Variants in RBMS3 observed in about 807,000 individuals in gnomAD.
RBMS3 encodes the protein RNA binding motif single stranded interacting protein 3.
In RBMS3, 27 loss-of-function variants were observed where a neutral mutation model predicts 66.8. The observed-to-expected ratio is 0.40, with a 90% confidence interval of 0.30 to 0.56. The LOEUF (loss-of-function observed/expected upper bound fraction) is 0.56, where lower values mean the gene tolerates loss of function less well. Among genes scored for constraint, RBMS3 ranks in the 20% least tolerant of loss-of-function variants. RBMS3 has a pLI of 0.40. For synonymous variants in RBMS3, 188 were observed against 183.0 expected, an observed-to-expected ratio of 1.03 and a Z score of -0.22; for missense variants, 513 against 549.5, an observed-to-expected ratio of 0.93 and a Z score of 0.66.
chr3:29,853,685 G>A (rs1047817204), intron 6 of RBMS3, among the ~76,000 whole-genome samples: 9 of 152,084 alleles, frequency 5.9e-5, no homozygotes, highest in East Asian at 1.9e-4. Flanking sequence ...TACAAGCCCC[G>A]TGTTTAGAGG....
chr3:29,684,783 C>T (rs1179850235), intron 4 of RBMS3, among the ~76,000 whole-genome samples: 12 of 39,420 alleles, frequency 3.0e-4, no homozygotes, highest in Admixed American at 6.3e-4. Flanking sequence ...GTTATGTACA[C>T]ACACACACAC....
At chr3:29,308,758 A>AAAAAAAAAAAAAC (rs2034183382) in intron 1 of RBMS3, among the ~76,000 whole-genome samples, 3 of 89,050 alleles carry the variant, frequency 3.4e-5, no homozygotes, top group Non-Finnish European at 4.5e-5. Flanking sequence ...AAAAAAAACA[A>AAAAAAAAAAAAAC]AAAAAAAAAC....
At chr3:29,928,345 G>A (rs1263219970) in intron 10 of RBMS3, among the ~76,000 whole-genome samples, 1 of 94,178 alleles carries the variant, frequency 1.1e-5, no homozygotes, top group Non-Finnish European at 2.2e-5. Flanking sequence ...ATATTTGGTG[G>A]GTAGAGATCA....
At chr3:29,604,517 G>A (rs2048256730) in intron 4 of RBMS3, among the ~76,000 whole-genome samples, 2 of 151,860 alleles carry the variant, frequency 1.3e-5, no homozygotes, top group East Asian at 1.9e-4. Context: ...GTGGGCTCTC[G>A]GATTTTTATT....
intron 1 of RBMS3, among the ~76,000 whole-genome samples, chr3:29,353,937 C>A (rs2037069102): frequency 6.6e-6 from 1 of 152,064 alleles, no homozygotes; most frequent in South Asian, 2.1e-4. Context: ...TTGAACTCTA[C>A]AGCATTTGAA....
intron 3 of RBMS3, among the ~76,000 whole-genome samples, chr3:29,573,688 G>A (rs2047015932): frequency 6.6e-6 from 1 of 151,854 alleles, no homozygotes; most frequent in Non-Finnish European, 1.5e-5. Context: ...ATTTTTTGAT[G>A]TAGGCACTTA....
At chr3:29,808,048 A>T (rs552250969) in intron 6 of RBMS3, among the ~76,000 whole-genome samples, 3 of 152,040 alleles carry the variant, frequency 2.0e-5, no homozygotes, top group Admixed American at 1.3e-4. Flanking sequence ...TACTTCTCCA[A>T]CACCAGGTTT....
intron 4 of RBMS3, among the ~76,000 whole-genome samples, chr3:29,684,481 C>CTT (rs2051628491): frequency 6.6e-6 from 1 of 152,092 alleles, no homozygotes; most frequent in African/African-American, 2.4e-5. Flanking sequence ...TTAAAACCAA[C>CTT]TGTGGTGGTA....
At chr3:29,958,242 G>T (rs1186121194) in intron 12 of RBMS3, among the ~76,000 whole-genome samples, 2 of 152,036 alleles carry the variant, frequency 1.3e-5, no homozygotes, top group Non-Finnish European at 2.9e-5. Context: ...TTTTCTAAAT[G>T]ACATTGAAAA....
At chr3:29,651,480 G>A (rs1426653130) in intron 4 of RBMS3, among the ~76,000 whole-genome samples, 1 of 152,022 alleles carries the variant, frequency 6.6e-6, no homozygotes, top group African/African-American at 2.4e-5. Context: ...AAGCTGAAAG[G>A]TCACTTGTGG....
intron 1 of RBMS3, among the ~76,000 whole-genome samples, chr3:29,285,377 A>G (rs974129972): frequency 6.6e-6 from 1 of 152,032 alleles, no homozygotes; most frequent in African/African-American, 2.4e-5. Context: ...CGAGAAATAG[A>G]TATTTCTCTC....
chr3:29,646,030 C>T (rs1449273759), intron 4 of RBMS3, among the ~76,000 whole-genome samples: 1 of 152,224 alleles, frequency 6.6e-6, no homozygotes, highest in Non-Finnish European at 1.5e-5. Context: ...TGGTAACATA[C>T]AAGCCTGCTA....
intron 10 of RBMS3, among the ~76,000 whole-genome samples, chr3:29,910,178 G>A (rs982794533): frequency 5.9e-5 from 9 of 152,080 alleles, no homozygotes; most frequent in Admixed American, 3.9e-4. Context: ...AAAATATGCA[G>A]CTAAAATAAA....
At chr3:29,713,887 T>C (rs2053277204) in intron 4 of RBMS3, among the ~76,000 whole-genome samples, 1 of 152,032 alleles carries the variant, frequency 6.6e-6, no homozygotes, top group Admixed American at 6.6e-5. Context: ...AAACCCCATC[T>C]CTACAAGAAA....
chr3:29,344,292 G>T (rs2036446633), intron 1 of RBMS3, among the ~76,000 whole-genome samples: 4 of 152,164 alleles, frequency 2.6e-5, no homozygotes, highest in Admixed American at 2.6e-4. Context: ...AGGCATCATG[G>T]AGTGCTAAAC....
chr3:29,887,076 G>A (rs1488900283), intron 8 of RBMS3, among the ~76,000 whole-genome samples: 1 of 151,778 alleles, frequency 6.6e-6, no homozygotes, highest in East Asian at 1.9e-4. Flanking sequence ...GCACCCATTG[G>A]TGAACTGCAG....
Position 29,899,730 on chromosome 3 carries a change from A to G in RBMS3, c.914A>G (p.His305Arg), listed in dbSNP as rs1323098601. The change falls in exon 10 of 15, where the codon CAT (histidine) becomes CGT (arginine). Residue 305 changes from histidine to arginine, a missense_variant. Physicochemically the swap from His to Arg is conservative, Grantham distance 29. Transcript: ENST00000383767. ...GTCCAGAGTACTTCATGGATGCCTC[A>G]TCCGCCATACGTTATGCAACCAACA... is the stretch of plus-strand genomic sequence containing the variant. ...YQVQSTSWMP[H>R]PPYVMQPTGA... 3 of 1,610,548 alleles carry G rather than the reference A, an allele frequency of 1.9e-6. No homozygotes were observed. The highest frequency in any genetic ancestry group is 2.5e-6 in the Non-Finnish European group (3 of 1,178,014).
At chr3:29,970,953 G>A (rs1016790324) in intron 12 of RBMS3, among the ~76,000 whole-genome samples, 1 of 151,886 alleles carries the variant, frequency 6.6e-6, no homozygotes, top group African/African-American at 2.4e-5. Flanking sequence ...ACCACTCATG[G>A]GCTCCTCTCT....
chr3:29,841,944 A>T lies in RBMS3; in HGVS notation c.638-26914A>T, dbSNP rs2058671887. On this transcript the variant is annotated intron_variant, in intron 6 of 14. Transcript: ENST00000383767. ...CCATAGGTGTAAAAGAGAAGACCTT[A>T]GTAATTACTTGTCTTTTTCATCCAG... Among the ~76,000 whole-genome samples the T allele has an allele frequency of 6.6e-5, 10 of 152,208 alleles. No homozygotes were observed. In the South Asian group the frequency reaches 2.1e-3, roughly 32 times the overall value.
Sources: gnomAD v4.1 joint callset for allele counts (sites outside exome capture counted in the v4.1 genomes callset) on GRCh38, gnomAD v4.1.1 for gene constraint, MANE v1.5 for transcripts, NCBI Gene and HGNC (gene_info 2026-07-23, HGNC 2026-07-21) for gene names.